Variants in TXK observed in about 807,000 individuals in gnomAD.
TXK encodes the protein TXK tyrosine kinase.
TXK carries 60 observed loss-of-function variants against 81.0 expected under a neutral mutation model. That is an observed-to-expected ratio of 0.74 (90% CI 0.60 to 0.92). The LOEUF (loss-of-function observed/expected upper bound fraction) is 0.92, where lower values mean the gene tolerates loss of function less well. TXK is among the 40% of genes least tolerant of loss of function. TXK has a pLI of 0.00. For missense variants in TXK, 581 were observed against 638.3 expected, an observed-to-expected ratio of 0.91 and a Z score of 0.97; for synonymous variants, 203 against 210.7, an observed-to-expected ratio of 0.96 and a Z score of 0.32.
chr4:48,133,457 T>C (rs1215933284), intron 1 of TXK, among the ~76,000 whole-genome samples: 1 of 152,168 alleles, frequency 6.6e-6, no homozygotes, highest in Non-Finnish European at 1.5e-5. Flanking sequence ...CACTTGACCA[T>C]GTTCACACTT....
intron 1 of TXK, among the ~76,000 whole-genome samples, chr4:48,129,432 C>T (rs910026174): frequency 6.6e-6 from 1 of 152,094 alleles, no homozygotes; most frequent in African/African-American, 2.4e-5. Flanking sequence ...AAACAAGTAC[C>T]TAGCTAACAG....
intron 14 of TXK, among the ~76,000 whole-genome samples, chr4:48,070,899 T>TG (rs1403091667): frequency 1.4e-5 from 2 of 139,682 alleles, no homozygotes; most frequent in Non-Finnish European, 3.1e-5. Flanking sequence ...AATTCTTTTT[T>TG]TTTTTTTTTT....
intron 6 of TXK, among the ~76,000 whole-genome samples, chr4:48,099,011 T>C (rs1201958785): frequency 1.3e-5 from 2 of 152,134 alleles, no homozygotes; most frequent in Non-Finnish European, 2.9e-5. Flanking sequence ...TTCATACTGT[T>C]CTGGAGACAC....
chr4:48,112,659 G>T, intron 3 of TXK, 147 bp from the exon 4 acceptor site: 1 of 761,526 alleles, frequency 1.3e-6, no homozygotes, highest in Non-Finnish European at 2.0e-6. Flanking sequence ...ATGTAGAAAA[G>T]GACTAACTAT....
intron 6 of TXK, among the ~76,000 whole-genome samples, chr4:48,102,994 G>A (rs2109450860): frequency 6.6e-6 from 1 of 152,314 alleles, no homozygotes; most frequent in East Asian, 1.9e-4. Context: ...TAGGGAATGA[G>A]AGAGGACCAA....
intron 10 of TXK, among the ~76,000 whole-genome samples, chr4:48,082,704 A>C (rs1317796510): frequency 6.6e-6 from 1 of 152,138 alleles, no homozygotes; most frequent in Non-Finnish European, 1.5e-5. Context: ...TTTTTGGCCC[A>C]CCACGCCCCC....
intron 13 of TXK, 27 bp downstream of exon 13, chr4:48,073,908 C>T (rs1273769045): frequency 1.4e-6 from 2 of 1,400,986 alleles, no homozygotes; most frequent in Admixed American, 1.9e-5. Flanking sequence ...AATCAAGCTC[C>T]AGCAAGTGAA....
Position 48,114,396 on chromosome 4 carries a change from GTGTT to G in TXK, c.19_22del (p.Asn7ProfsTer19), listed in dbSNP as rs1718737156. On this transcript the variant is annotated frameshift_variant and splice_region_variant, in exon 2 of 15. Transcript: ENST00000264316. LOFTEE classifies it high-confidence loss of function. Reference sequence around the variant, plus strand: ...GCAGCAACAGAAAACCGACTGGATGGTGTTATCTGAAAAGCAGATCATTTCTCAG... The same window carrying G: ...GCAGCAACAGAAAACCGACTGGATGGATCTGAAAAGCAGATCATTTCTCAG... The G allele has an allele frequency of 6.2e-7, 1 of 1,614,016 alleles. No individual in the cohort carries two copies. Among genetic ancestry groups the G allele is most frequent in the Non-Finnish European group, 8.5e-7 (1 of 1,180,010 alleles).
At chr4:48,082,964 C>T (rs1001768852) in intron 10 of TXK, among the ~76,000 whole-genome samples, 16 of 152,188 alleles carry the variant, frequency 1.1e-4, no homozygotes, top group South Asian at 6.2e-4. Context: ...TCAATAAAAT[C>T]CCACATGCAT....
At chr4:48,095,020 T>C (rs1717929418) in intron 7 of TXK, 123 bp downstream of exon 7, 3 of 759,098 alleles carry the variant, frequency 4.0e-6, no homozygotes, top group Non-Finnish European at 6.9e-6. Flanking sequence ...CACGGACTGG[T>C]TGGTTTTTCT....
chr4:48,115,401 T>G (rs1425871754), intron 1 of TXK, among the ~76,000 whole-genome samples: 1 of 152,194 alleles, frequency 6.6e-6, no homozygotes, highest in Non-Finnish European at 1.5e-5. Context: ...TATGGCTGCA[T>G]AGTATTCCAT....
At chr4:48,097,055 A>G (rs1047441557) in intron 6 of TXK, among the ~76,000 whole-genome samples, 3 of 152,150 alleles carry the variant, frequency 2.0e-5, no homozygotes, top group Admixed American at 1.3e-4. Context: ...AGCCCAAATC[A>G]AGTAGAAGAA....
chr4:48,067,481 T>G lies in TXK; in HGVS notation c.*156A>C. The G allele has an allele frequency of 1.3e-6, 1 of 750,004 alleles. No homozygotes were observed. The highest frequency in any genetic ancestry group is 2.2e-6 in the Non-Finnish European group (1 of 452,308). The allele number at this position is 750,004 out of a possible 1,614,324, so 46.5% of individuals were successfully genotyped here. On this transcript the variant is annotated 3_prime_UTR_variant, in exon 15 of 15. Transcript: ENST00000264316. ...AACGATTGTGTGAATATTCTTAAAT[T>G]TTTAAAACTTTTAAAAACTGTGATC...
chr4:48,089,988 AT>A (rs3840271), intron 8 of TXK, among the ~76,000 whole-genome samples, 164 bp from the exon 9 acceptor site: 32,220 of 151,836 alleles, frequency 0.21, 3,732 homozygotes, highest in South Asian at 0.29. Flanking sequence ...CCAAAAAAAA[AT>A]ATATACTCAT....
chr4:48,112,679 T>A (rs986819645), intron 3 of TXK, among the ~76,000 whole-genome samples, 167 bp from the exon 4 acceptor site: 1 of 152,198 alleles, frequency 6.6e-6, no homozygotes, highest in Non-Finnish European at 1.5e-5. Flanking sequence ...TAAAACTCCT[T>A]TAGGATCCAG....
In TXK at chr4:48,112,440, C is replaced by G; in HGVS notation, c.247G>C (p.Glu83Gln). 6.2e-7 allele frequency: 1 copy of G among 1,614,198 alleles called. No individual in the cohort carries two copies. The highest frequency in any genetic ancestry group is 8.5e-7 in the Non-Finnish European group (1 of 1,180,018). ...TAAAGTGCCTTGACTTGGATCTTCT[C>G]TTCAGCAACCTCAGAGGGTGGGAGG... is the stretch of plus-strand genomic sequence containing the variant. ...PPLPPSEVAE[E>Q]KIQVKALYDF... Residue 83 changes from glutamate (E) to glutamine (Q), a missense_variant, in exon 4 of 15, where the codon GAG becomes CAG. Transcript: ENST00000264316.
chr4:48,082,776 C>T (rs35494193), intron 10 of TXK, among the ~76,000 whole-genome samples: 46,099 of 152,006 alleles, frequency 0.3, 8,613 homozygotes, highest in Non-Finnish European at 0.41. Context: ...GATGAATAGA[C>T]AAACAGCAGA....
At chr4:48,125,928 G>C (rs894747824) in intron 1 of TXK, among the ~76,000 whole-genome samples, 1 of 152,186 alleles carries the variant, frequency 6.6e-6, no homozygotes, top group African/African-American at 2.4e-5. Context: ...CTGTGGGAGA[G>C]GCCCACTCAC....
intron 5 of TXK, among the ~76,000 whole-genome samples, chr4:48,109,014 C>G (rs1330029836): frequency 6.6e-6 from 1 of 152,154 alleles, no homozygotes; most frequent in Non-Finnish European, 1.5e-5. Flanking sequence ...AAAAAAGTCT[C>G]ATTTTTCTAA....
Sources: gnomAD v4.1 joint callset for allele counts (sites outside exome capture counted in the v4.1 genomes callset) on GRCh38, gnomAD v4.1.1 for gene constraint, MANE v1.5 for transcripts, NCBI Gene and HGNC (gene_info 2026-07-23, HGNC 2026-07-21) for gene names.